Variants in TTC28 observed in about 807,000 individuals in gnomAD.
TTC28 encodes the protein tetratricopeptide repeat domain 28.
Under a neutral mutation model 198.0 loss-of-function variants are expected in TTC28, and 61 were observed. That is an observed-to-expected ratio of 0.31 (90% CI 0.25 to 0.38). TTC28 has a LOEUF of 0.38. TTC28 is among the 10% of genes least tolerant of loss of function. TTC28 has a pLI of 1.00. For missense variants in TTC28, 2,678 were observed against 3,164.0 expected, an observed-to-expected ratio of 0.85 and a Z score of 3.69; for synonymous variants, 1,171 against 1,297.8, an observed-to-expected ratio of 0.90 and a Z score of 2.10.
chr22:28,024,626 G>A (rs1319382139), intron 13 of TTC28, among the ~76,000 whole-genome samples: 2 of 152,210 alleles, frequency 1.3e-5, no homozygotes, highest in South Asian at 4.1e-4. Flanking sequence ...GAGGGACAAA[G>A]TCACATCCAG....
intron 2 of TTC28, among the ~76,000 whole-genome samples, chr22:28,528,108 C>T (rs79285662): frequency 0.016 from 2,426 of 152,258 alleles, 87 homozygotes; most frequent in African/African-American, 0.056. Flanking sequence ...TTGGGGGGCA[C>T]ATTCAAACCA....
intron 5 of TTC28, among the ~76,000 whole-genome samples, chr22:28,180,983 A>G (rs1027775908): frequency 8.5e-5 from 13 of 152,196 alleles, no homozygotes; most frequent in African/African-American, 2.9e-4. Flanking sequence ...AAAAGAAAAC[A>G]GTGATTTGTA....
chr22:28,364,020 CT>C (rs2046203414), intron 2 of TTC28, among the ~76,000 whole-genome samples: 2 of 152,024 alleles, frequency 1.3e-5, no homozygotes, highest in Non-Finnish European at 2.9e-5. Flanking sequence ...CTTTGGGGGA[CT>C]GTTGAGAAGG....
At chr22:28,156,847 A>G (rs1943759425) in intron 6 of TTC28, among the ~76,000 whole-genome samples, 1 of 152,204 alleles carries the variant, frequency 6.6e-6, no homozygotes, top group Non-Finnish European at 1.5e-5. Context: ...CCTACCTCAA[A>G]AAGGAAGAAA....
At chr22:28,382,530 A>G (rs1286548682) in intron 2 of TTC28, among the ~76,000 whole-genome samples, 1 of 152,220 alleles carries the variant, frequency 6.6e-6, no homozygotes, top group African/African-American at 2.4e-5. Context: ...ACTGTTCACA[A>G]ATTAATCAGT....
chr22:28,118,192 A>C (rs985678319), intron 6 of TTC28, among the ~76,000 whole-genome samples: 1 of 152,182 alleles, frequency 6.6e-6, no homozygotes, highest in African/African-American at 2.4e-5. Context: ...TGAAGTCAGG[A>C]GTTCGAGACC....
intron 2 of TTC28, among the ~76,000 whole-genome samples, chr22:28,561,083 T>G (rs1321602220): frequency 7.0e-6 from 1 of 143,156 alleles, no homozygotes; most frequent in Non-Finnish European, 1.5e-5. Context: ...TTTTTTTTTT[T>G]TTTTTTTTGA....
chr22:28,657,572 T>C lies in TTC28; in HGVS notation c.102+22050A>G, dbSNP rs148472410. On this transcript the variant is annotated intron_variant, in intron 1 of 22. Coordinates refer to ENST00000397906, the MANE Select transcript of TTC28 (RefSeq NM_001145418.2). ...TAAATCAATTCACAGATGTGTACAA[T>C]TTATTTTCTAAATTATTATTTCTGG... 2.1e-3 allele frequency among the ~76,000 whole-genome samples: 324 copies of C among 152,360 alleles called. 1 individual carries two copies. The highest frequency in any genetic ancestry group is 6.3e-3 in the African/African-American group (262 of 41,584).
intron 12 of TTC28, among the ~76,000 whole-genome samples, chr22:28,061,361 TAA>T (rs1940531223): frequency 6.6e-6 from 1 of 152,238 alleles, no homozygotes; most frequent in Non-Finnish European, 1.5e-5. Context: ...GTCTAACACT[TAA>T]GTCTTTAATC....
intron 5 of TTC28, among the ~76,000 whole-genome samples, chr22:28,224,155 G>A (rs1275052605): frequency 1.3e-5 from 2 of 152,090 alleles, no homozygotes; most frequent in African/African-American, 2.4e-5. Context: ...CCACAATAAC[G>A]GAGGACCCAG....
chr22:28,032,265 ATAGT>A (rs1204868795), intron 12 of TTC28, among the ~76,000 whole-genome samples: 2 of 91,676 alleles, frequency 2.2e-5, no homozygotes, highest in South Asian at 3.5e-4. Flanking sequence ...ATATATATAT[ATAGT>A]GTGTGTGTGT....
At chr22:28,165,019 T>G (rs1205282314) in intron 5 of TTC28, among the ~76,000 whole-genome samples, 4 of 152,126 alleles carry the variant, frequency 2.6e-5, no homozygotes, top group African/African-American at 9.7e-5. Context: ...GCATGAGAAC[T>G]ACGTGATGAA....
Position 28,248,424 on chromosome 22 carries a change from G to A in TTC28, c.933+47774C>T, listed in dbSNP as rs1400092192. Among the ~76,000 whole-genome samples, 4 of 152,154 alleles carry A rather than the reference G, an allele frequency of 2.6e-5. No individual in the cohort carries two copies. The East Asian group carries it at 7.7e-4, about 29-fold the overall frequency. On this transcript the variant is annotated intron_variant, in intron 5 of 22. Transcript: ENST00000397906. ...TCCAAAGGTGCTCTTAAATTAAGGA[G>A]GATGTTAGAATTTAAAACAGAATAC...
intron 2 of TTC28, among the ~76,000 whole-genome samples, chr22:28,545,139 T>C (rs1284558758): frequency 6.6e-6 from 1 of 152,176 alleles, no homozygotes; most frequent in Admixed American, 6.5e-5. Context: ...ATCACACTTA[T>C]TAGTAATAGT....
Position 28,107,547 on chromosome 22 carries a change from C to A in TTC28, c.2298G>T (p.Met766Ile). The A allele has an allele frequency of 6.4e-7, 1 of 1,551,828 alleles. No individual in the cohort carries two copies. The highest frequency in any genetic ancestry group is 8.7e-7 in the Non-Finnish European group (1 of 1,147,050). Residue 766 changes from methionine to isoleucine, a missense_variant, in exon 7 of 23, where the codon ATG becomes ATT. Met to Ile is a conservative substitution (Grantham distance 10). This residue lies in a region of TTC28 where 775 missense variants were observed against 845.9 expected (regional missense o/e 0.92). Coordinates refer to ENST00000397906, the MANE Select transcript of TTC28 (RefSeq NM_001145418.2). Reference protein sequence around the residue: ...AYAALGTAYRMIQKYDKALGY... With the variant: ...AYAALGTAYRIIQKYDKALGY... ...CCAGGGCCTTGTCATACTTCTGGAT[C>A]ATTCGGTATGCAGTGCCCAGGGCTG...
intron 2 of TTC28, among the ~76,000 whole-genome samples, chr22:28,612,843 A>G (rs928301198): frequency 6.6e-6 from 1 of 152,302 alleles, no homozygotes; most frequent in African/African-American, 2.4e-5. Flanking sequence ...GTGTTTAGAG[A>G]GAAATTTATA....
chr22:28,660,597 C>T (rs1002316935), intron 1 of TTC28, among the ~76,000 whole-genome samples: 3 of 152,164 alleles, frequency 2.0e-5, no homozygotes, highest in Non-Finnish European at 4.4e-5. Flanking sequence ...CTATTCGGCT[C>T]ACTGCAACCT....
intron 12 of TTC28, among the ~76,000 whole-genome samples, chr22:28,091,769 AG>A (rs1941822749): frequency 6.6e-6 from 1 of 152,230 alleles, no homozygotes; most frequent in African/African-American, 2.4e-5. Flanking sequence ...AGGCAGACAT[AG>A]CCCCTGCTCT....
At chr22:28,335,274 G>T (rs2045692137) in intron 2 of TTC28, among the ~76,000 whole-genome samples, 1 of 152,188 alleles carries the variant, frequency 6.6e-6, no homozygotes, top group South Asian at 2.1e-4. Flanking sequence ...AGTATAGTTG[G>T]AAGTCAGGTA....
Sources: gnomAD v4.1 joint callset for allele counts (sites outside exome capture counted in the v4.1 genomes callset) on GRCh38, gnomAD v4.1.1 for gene constraint, gnomAD v4.1.1 regional missense constraint, MANE v1.5 for transcripts, NCBI Gene and HGNC (gene_info 2026-07-23, HGNC 2026-07-21) for gene names.